The following PMS2 variants were observed in gnomAD, a reference collection of about 807,000 sequenced individuals.
The protein encoded by PMS2 is mismatch repair endonuclease PMS2.
In PMS2, 69 loss-of-function variants were observed where a neutral mutation model predicts 90.0. The ratio of observed to expected loss-of-function variants is 0.77; its 90% confidence interval spans 0.63 to 0.94. The LOEUF is 0.94. PMS2 is among the 40% of genes least tolerant of loss of function. The pLI is 0.00. For missense variants in PMS2, 966 were observed against 1,040.2 expected (o/e 0.93, Z 0.98); for synonymous variants, 332 against 375.1 (o/e 0.89, Z 1.33).
chr7:5,995,729 A>C (rs1784328204), intron 7 of PMS2, 96 bp from the exon 8 acceptor site: 2 of 840,498 alleles, frequency 2.4e-6, no homozygotes, highest in Non-Finnish European at 4.2e-6. Context: ...TGAAAACAAA[A>C]CACCAGGTGA....
chr7:5,977,149 G>C (rs1781753163), intron 14 of PMS2, among the ~76,000 whole-genome samples: 1 of 151,352 alleles, frequency 6.6e-6, no homozygotes, highest in Non-Finnish European at 1.5e-5. Context: ...CCGCCTTCTG[G>C]GTTCACGCCA....
chr7:5,978,974 C>A (rs1238265617), intron 12 of PMS2, among the ~76,000 whole-genome samples: 1 of 148,766 alleles, frequency 6.7e-6, no homozygotes, highest in Non-Finnish European at 1.5e-5. Context: ...GCAGGCAGAT[C>A]TCTTGAGGCC....
At chr7:5,984,777 T>A (rs1782679449) in intron 11 of PMS2, among the ~76,000 whole-genome samples, 1 of 151,292 alleles carries the variant, frequency 6.6e-6, no homozygotes, top group East Asian at 1.9e-4. Flanking sequence ...AGAGTGAGAC[T>A]CTTGTCTCAA....
intron 10 of PMS2, among the ~76,000 whole-genome samples, chr7:5,988,112 C>G (rs1411588736): frequency 6.8e-6 from 1 of 147,294 alleles, no homozygotes; most frequent in African/African-American, 2.5e-5. Flanking sequence ...ATATACTCAC[C>G]AGAATGGTAA....
chr7:5,982,273 T>C (rs1782364869), intron 12 of PMS2, among the ~76,000 whole-genome samples: 7 of 152,138 alleles, frequency 4.6e-5, no homozygotes, highest in Admixed American at 4.6e-4. Flanking sequence ...TGGCACGAAC[T>C]CGGCTCGCTG....
intron 2 of PMS2, chr7:6,004,494 T>A (rs1053959495): frequency 1.2e-5 from 2 of 168,994 alleles, no homozygotes; most frequent in African/African-American, 4.8e-5. Context: ...AGCGAGCAGA[T>A]CACCTGAGGT....
chr7:6,006,786 C>A (rs1785823058), intron 1 of PMS2, among the ~76,000 whole-genome samples: 4 of 152,090 alleles, frequency 2.6e-5, no homozygotes, highest in Non-Finnish European at 4.4e-5. Flanking sequence ...GCCTTTGATA[C>A]CCCACTCCAA....
rs1340663153 is a variant in PMS2 at position 5,999,980 on chromosome 7, A to G, written c.538-705T>C. Among the ~76,000 whole-genome samples, 3 of 152,312 alleles carry G rather than the reference A, an allele frequency of 2.0e-5. No homozygotes were observed. In the East Asian group the frequency reaches 5.8e-4, roughly 29 times the overall value. ...GAAACAACCTAAGCAAGCATCATTGAGGAGTTGATTAATTATGGTATAGCC... is the reference window on the plus strand; with the variant it reads ...GAAACAACCTAAGCAAGCATCATTGGGGAGTTGATTAATTATGGTATAGCC... On this transcript the variant is annotated intron_variant, in intron 5 of 14. Transcript: ENST00000265849.
At chr7:5,997,448 C>T (rs749560139) in intron 6 of PMS2, 25 bp from the exon 7 acceptor site, 2 of 1,200,374 alleles carry the variant, frequency 1.7e-6, no homozygotes, top group Non-Finnish European at 1.2e-6. Flanking sequence ...AAAAAATTCA[C>T]AGTTACTTCC....
intron 4 of PMS2, among the ~76,000 whole-genome samples, 165 bp from the exon 5 acceptor site, chr7:6,002,801 AG>A (rs1213614284): frequency 6.6e-6 from 1 of 152,182 alleles, no homozygotes; most frequent in Admixed American, 6.6e-5. Flanking sequence ...ATAAAATCTA[AG>A]GTTTGGCATC....
chr7:5,998,337 C>T (rs1368563634), intron 6 of PMS2, among the ~76,000 whole-genome samples: 1 of 150,366 alleles, frequency 6.7e-6, no homozygotes, highest in African/African-American at 2.4e-5. Context: ...ACCTCAGCCT[C>T]CCAAAGTGCT....
rs1251806508 is a variant in PMS2 at position 5,973,225 on chromosome 7, C to T, written c.*174G>A. ...TGCAAACATAGAGAAAAAAAATTTG[C>T]AAGCAATGCTCCATCTGGTTTGAAA... On this transcript the variant is annotated 3_prime_UTR_variant, in exon 15 of 15. Transcript: ENST00000265849. The T allele has an allele frequency of 4.5e-5, 25 of 550,678 alleles. 6 individuals are homozygous for T. In the East Asian group the frequency reaches 8.9e-4, roughly 20 times the overall value. The allele number at this position is 550,678 out of a possible 1,614,324, so 34.1% of individuals were successfully genotyped here.
intron 6 of PMS2, among the ~76,000 whole-genome samples, chr7:5,998,503 G>C (rs1208361200): frequency 6.7e-6 from 1 of 149,146 alleles, no homozygotes; most frequent in African/African-American, 2.5e-5. Flanking sequence ...GGCCAGTCTG[G>C]CCAACAAGAT....
At chr7:6,008,949 A>C in intron 1 of PMS2, 48 bp downstream of exon 1, 1 of 1,611,034 alleles carries the variant, frequency 6.2e-7, no homozygotes, top group African/African-American at 1.3e-5. Flanking sequence ...GTGGGTCTCA[A>C]AGAGGGCGCG....
intron 2 of PMS2, among the ~76,000 whole-genome samples, chr7:6,005,616 C>T (rs1170748043): frequency 6.6e-6 from 1 of 152,164 alleles, no homozygotes; most frequent in Admixed American, 6.6e-5. Flanking sequence ...GGATTATAGG[C>T]GTGAGACACC....
chr7:6,004,889 GTTTT>G lies in PMS2; in HGVS notation c.164-835_164-832del, dbSNP rs945563977. Among the ~76,000 whole-genome samples the G allele has an allele frequency of 4.6e-5, 7 of 151,786 alleles. 1 individual carries two copies. The highest frequency in any genetic ancestry group is 4.6e-4 in the Admixed American group (7 of 15,204). ...TATTCTGCAGATTAATAATTCTTTG[GTTTT>G]TTTTATTTTATTATTCTTTTCTTTT... is the stretch of plus-strand genomic sequence containing the variant. On this transcript the variant is annotated intron_variant, in intron 2 of 14. Transcript: ENST00000265849.
intron 8 of PMS2, among the ~76,000 whole-genome samples, chr7:5,994,368 G>A (rs565953088): frequency 8.6e-5 from 13 of 151,174 alleles, no homozygotes; most frequent in African/African-American, 3.2e-4. Context: ...CCAACAGGGC[G>A]AGACTCCATC....
rs1322322025 is a variant in PMS2 at position 5,976,011 on chromosome 7, CG to C, written c.2445+1576del. ...ATCCCAGCACTTTGGGAGACCAAGG[CG>C]GGCAGATCATGAGGTCAGGAGATCA... On this transcript the variant is annotated intron_variant, in intron 14 of 14. Coordinates refer to ENST00000265849, the MANE Select transcript of PMS2 (RefSeq NM_000535.7). Among the ~76,000 whole-genome samples, 2 of 143,742 alleles carry C rather than the reference CG, an allele frequency of 1.4e-5. 1 individual carries two copies. The highest frequency in any genetic ancestry group is 1.4e-4 in the Admixed American group (2 of 14,256). The allele number at this position is 143,742 out of a possible 152,430, so 94.3% of individuals were successfully genotyped here. A position where few individuals can be genotyped will look rare whatever the true frequency, so the allele number is the denominator to read the frequency against.
chr7:6,001,373 C>CTTT lies in PMS2; in HGVS notation c.537+1077_537+1079dup, dbSNP rs35742778. ...TTCTCAGAAAACCAAGAGAAATATT[C>CTTT]TTTTTTTTTTTTTTTTGAGATGGGG... On this transcript the variant is annotated intron_variant, in intron 5 of 14. Transcript: ENST00000265849. Among the ~76,000 whole-genome samples the CTTT allele has an allele frequency of 1.1e-3, 150 of 138,724 alleles. 3 individuals are homozygous for CTTT. Among genetic ancestry groups the CTTT allele is most frequent in the African/African-American group, 3.5e-3 (131 of 37,298 alleles). 91.0% of individuals were successfully genotyped at this position (138,724 alleles called of 152,430 possible).
Sources: allele counts gnomAD v4.1 joint callset (sites outside exome capture counted in the v4.1 genomes callset), GRCh38; gene constraint gnomAD v4.1.1; transcripts MANE v1.5; gene names NCBI Gene and HGNC (gene_info 2026-07-23, HGNC 2026-07-21).